EHD2: variants seen among roughly 807,000 people sequenced by gnomAD.
The protein encoded by EHD2 is EH domain-containing protein 2.
In EHD2, 27 loss-of-function variants were observed where a neutral mutation model predicts 41.0. The ratio of observed to expected loss-of-function variants is 0.66; its 90% confidence interval spans 0.49 to 0.91. The LOEUF (loss-of-function observed/expected upper bound fraction) is 0.91, where lower values mean the gene tolerates loss of function less well. EHD2 is among the 40% of genes least tolerant of loss of function. The probability of loss-of-function intolerance (pLI) is 0.00; values close to 1 mark genes in which losing one functional copy is unlikely to be tolerated. For missense variants in EHD2, 673 were observed against 773.9 expected, an observed-to-expected ratio of 0.87 and a Z score of 1.55; for synonymous variants, 342 against 341.0, an observed-to-expected ratio of 1.00 and a Z score of -0.03.
chr19:47,730,389 C>T (rs1359778996), intron 4 of EHD2, among the ~76,000 whole-genome samples: 3 of 152,124 alleles, frequency 2.0e-5, no homozygotes, highest in Non-Finnish European at 4.4e-5. Flanking sequence ...CCCCCTCTTC[C>T]TGCAGGTTCA....
At chr19:47,736,162 C>T (rs1966920045) in intron 4 of EHD2, among the ~76,000 whole-genome samples, 1 of 152,202 alleles carries the variant, frequency 6.6e-6, no homozygotes, top group Non-Finnish European at 1.5e-5. Flanking sequence ...TGCTACTGCA[C>T]TCCAGCCTCG....
intron 4 of EHD2, among the ~76,000 whole-genome samples, chr19:47,735,993 T>C (rs1966917916): frequency 6.6e-6 from 1 of 151,622 alleles, no homozygotes; most frequent in African/African-American, 2.4e-5. Flanking sequence ...GTCAGGAGTT[T>C]GAGACCAGCC....
intron 3 of EHD2, among the ~76,000 whole-genome samples, chr19:47,721,133 G>A (rs1185330650): frequency 6.7e-6 from 1 of 150,134 alleles, no homozygotes; most frequent in African/African-American, 2.5e-5. Context: ...TGTAGTAATT[G>A]GCTATGTTTG....
chr19:47,715,214 A>G (rs1260690499), intron 1 of EHD2, among the ~76,000 whole-genome samples: 1 of 151,960 alleles, frequency 6.6e-6, no homozygotes, highest in Non-Finnish European at 1.5e-5. Context: ...TTAACACCCA[A>G]CAGCCCTCAT....
rs1011964736 is a variant in EHD2 at position 47,741,740 on chromosome 19, A to C, written c.*308A>C. The C allele has an allele frequency of 1.7e-6, 1 of 576,144 alleles. No individual in the cohort carries two copies. The highest frequency in any genetic ancestry group is 3.5e-5 in the East Asian group (1 of 28,180). The allele number at this position is 576,144 out of a possible 1,614,324, so 35.7% of individuals were successfully genotyped here. On this transcript the variant is annotated 3_prime_UTR_variant, in exon 6 of 6. Transcript: ENST00000263277. The surrounding 1 kb of genome is among the most constrained non-coding windows in gnomAD (Gnocchi z 4.5). ...TTCAAATATTTATTGAGCACCTACT[A>C]TGTGCCCAGCCCTGTTCTAGGCACT...
chr19:47,740,843 G>T, intron 5 of EHD2, 38 bp from the exon 6 acceptor site: 1 of 1,599,768 alleles, frequency 6.3e-7, no homozygotes. Context: ...CAGGGATGGC[G>T]CCGCTTGAAT....
chr19:47,721,162 GGGGT>G (rs61618890), intron 3 of EHD2, among the ~76,000 whole-genome samples: 26,549 of 138,188 alleles, frequency 0.19, 2,492 homozygotes, highest in Middle Eastern at 0.29. Flanking sequence ...TGTGCTACTG[GGGGT>G]GTGTGTGTGT....
chr19:47,732,966 C>T (rs1966885558), intron 4 of EHD2: 2 of 151,770 alleles, frequency 1.3e-5, no homozygotes, highest in African/African-American at 4.8e-5. Flanking sequence ...GCCTGTGATC[C>T]CAGCTACTCA....
At chr19:47,736,331 G>C (rs1966922240) in intron 4 of EHD2, 38 bp from the exon 5 acceptor site, 1 of 1,571,074 alleles carries the variant, frequency 6.4e-7, no homozygotes, top group African/African-American at 1.4e-5. Flanking sequence ...CTCCCTGGTG[G>C]ACCCTGATGC....
At chr19:47,740,234 G>A (rs1350835872) in intron 5 of EHD2, among the ~76,000 whole-genome samples, 1 of 151,698 alleles carries the variant, frequency 6.6e-6, no homozygotes, top group African/African-American at 2.4e-5. Context: ...GGGCGTAGTG[G>A]CGCACACCTA....
chr19:47,734,525 G>A (rs1446833980), intron 4 of EHD2, among the ~76,000 whole-genome samples: 1 of 152,050 alleles, frequency 6.6e-6, no homozygotes, highest in African/African-American at 2.4e-5. Flanking sequence ...GCTGAGGCAG[G>A]CAGATCATTT....
At chr19:47,733,990 G>C (rs1239981352) in intron 4 of EHD2, among the ~76,000 whole-genome samples, 3 of 152,146 alleles carry the variant, frequency 2.0e-5, no homozygotes, top group Admixed American at 2.0e-4. Flanking sequence ...AGAGTTATGA[G>C]CAGCATCCCC....
chr19:47,730,114 G>A (rs926138584), intron 4 of EHD2, among the ~76,000 whole-genome samples: 1 of 152,052 alleles, frequency 6.6e-6, no homozygotes, highest in African/African-American at 2.4e-5. Flanking sequence ...CCGGGCTGGG[G>A]GCGGCTCCGG....
rs200237695 is a variant in EHD2, at chr19:47,718,496, C to A, written c.405-13C>A. ...CCTTCCCTGTTGACCCCTGACCCTC[C>A]CTCTGCCCCCAGGTTCATGTGTGCC... On this transcript the variant is annotated splice_polypyrimidine_tract_variant and intron_variant, in intron 2 of 5. Coordinates refer to ENST00000263277, the MANE Select transcript of EHD2 (RefSeq NM_014601.4). The A allele has an allele frequency of 2.8e-5, 44 of 1,566,060 alleles. 1 individual carries two copies. The East Asian group carries it at 6.6e-4, about 23-fold the overall frequency.
In EHD2 at chr19:47,718,134, G is replaced by A. The variant is rs542282629; in HGVS notation, c.405-375G>A. On this transcript the variant is annotated intron_variant, in intron 2 of 5. Coordinates refer to ENST00000263277, the MANE Select transcript of EHD2 (RefSeq NM_014601.4). ...CTAAAAATACAAAAATTAGCTGGGT[G>A]AGGTGGTGCCCACCTGTAATCCCAG... 1.8e-3 allele frequency among the ~76,000 whole-genome samples: 268 copies of A among 151,624 alleles called. 2 individuals carry two copies. The highest frequency in any genetic ancestry group is 6.3e-3 in the African/African-American group (260 of 41,314).
At position 47,719,492 on chromosome 19, in the gene EHD2, C is replaced by CCAGCT. The variant is rs1221591053; in HGVS notation, c.502+891_502+895dup. Among the ~76,000 whole-genome samples, 1 of 152,124 alleles carries CCAGCT rather than the reference C, an allele frequency of 6.6e-6. No individual in the cohort carries two copies. The highest frequency in any genetic ancestry group is 1.5e-5 in the Non-Finnish European group (1 of 68,006). Reference sequence around the variant, plus strand: ...TGAGCCCTCACCACCCCTGCCCAGCCCAGCTCAGCATCTGTGGTCCCCCAG... The same window carrying CCAGCT: ...TGAGCCCTCACCACCCCTGCCCAGCCCAGCTCAGCTCAGCATCTGTGGTCCCCCAG... On this transcript the variant is annotated intron_variant, in intron 3 of 5. Coordinates refer to ENST00000263277, the MANE Select transcript of EHD2 (RefSeq NM_014601.4). This position sits in a 1 kb window ranked among gnomAD's most constrained non-coding sequence, Gnocchi z 4.1.
intron 4 of EHD2, among the ~76,000 whole-genome samples, chr19:47,734,336 A>G (rs899497418): frequency 2.0e-5 from 3 of 152,076 alleles, no homozygotes; most frequent in Non-Finnish European, 4.4e-5. Context: ...CCCTGTCTAA[A>G]AAAAGCAAAA....
intron 4 of EHD2, among the ~76,000 whole-genome samples, chr19:47,731,881 G>A (rs1966879894): frequency 7.1e-6 from 1 of 141,732 alleles, no homozygotes; most frequent in Non-Finnish European, 1.5e-5. Flanking sequence ...TCCGCCTCCC[G>A]GGTTCACGCC....
chr19:47,742,255 C>T lies in EHD2; in HGVS notation c.*823C>T. 3.2e-6 allele frequency: 1 copy of T among 311,328 alleles called. No individual in the cohort carries two copies. 19.3% of individuals were successfully genotyped at this position (311,328 alleles called of 1,614,324 possible). A position where few individuals can be genotyped will look rare whatever the true frequency, so the allele number is the denominator to read the frequency against. Reference sequence around the variant, plus strand: ...GTTTTTGCCCCCAGTTCTGTCCACACCCCTTCCCTTTCCTGTCCTGTCCTT... The same window carrying T: ...GTTTTTGCCCCCAGTTCTGTCCACATCCCTTCCCTTTCCTGTCCTGTCCTT... On this transcript the variant is annotated 3_prime_UTR_variant, in exon 6 of 6. Coordinates refer to ENST00000263277, the MANE Select transcript of EHD2 (RefSeq NM_014601.4).
Sources: gnomAD v4.1 joint callset for allele counts (sites outside exome capture counted in the v4.1 genomes callset) on GRCh38, gnomAD v4.1.1 for gene constraint, Gnocchi (gnomAD v3.1) non-coding constraint, MANE v1.5 for transcripts, NCBI Gene and HGNC (gene_info 2026-07-23, HGNC 2026-07-21) for gene names.